The following RLIM variants were observed in gnomAD, a reference collection of about 807,000 sequenced individuals.
RLIM encodes E3 ubiquitin-protein ligase RLIM.
In RLIM, 2 loss-of-function variants were observed where a neutral mutation model predicts 34.0. The ratio of observed to expected loss-of-function variants is 0.06; its 90% CI spans 0.02 to 0.19. The LOEUF (loss-of-function observed/expected upper bound fraction) is 0.19, where lower values mean the gene tolerates loss of function less well. Among genes scored for constraint, RLIM ranks in the 10% least tolerant of loss-of-function variants. The pLI is 1.00. For missense variants in RLIM, 286 were observed against 479.7 expected, an observed-to-expected ratio of 0.60 and a Z score of 3.77; for synonymous variants, 169 against 164.0, an observed-to-expected ratio of 1.03 and a Z score of -0.23.
chrX:74,591,284 A>C lies in RLIM; in HGVS notation c.*156T>G. ...AATATTTCCTTTTATTCTGGAACAA[A>C]AACTGGAGAAAGGACAATGATTCCT... On this transcript the variant is annotated 3_prime_UTR_variant, in exon 4 of 4. Transcript: ENST00000332687. 2.1e-6 allele frequency: 1 copy of C among 474,426 alleles called. No individual in the cohort carries two copies. Among genetic ancestry groups the C allele is most frequent in the Non-Finnish European group, 3.5e-6 (1 of 284,934 alleles). The allele number at this position is 474,426 out of a possible 1,213,427, so 39.1% of individuals were successfully genotyped here. A position where few individuals can be genotyped will look rare whatever the true frequency, so the allele number is the denominator to read the frequency against.
At chrX:74,594,229 CT>C (rs1475532774) in intron 3 of RLIM, 76 bp downstream of exon 3, 10 of 707,688 alleles carry the variant, frequency 1.4e-5, no homozygotes, top group Non-Finnish European at 2.0e-5. Flanking sequence ...TCTGGATAAT[CT>C]TTGGCTGACA....
intron 2 of RLIM, 103 bp downstream of exon 2, chrX:74,595,706 T>C: frequency 3.6e-6 from 2 of 552,850 alleles, no homozygotes. Context: ...TGTTAAATAA[T>C]ATTTCATAAG....
At chrX:74,605,382 A>G (rs2079678285) in intron 1 of RLIM, among the ~76,000 whole-genome samples, 1 of 112,414 alleles carries the variant, frequency 8.9e-6, no homozygotes, top group Admixed American at 9.5e-5. Flanking sequence ...CAAAAATACC[A>G]GAAAACCATA....
Position 74,585,453 on chromosome X carries a change from T to G in RLIM, c.*5987A>C, listed in dbSNP as rs1254811734. On this transcript the variant is annotated 3_prime_UTR_variant, in exon 4 of 4. Coordinates refer to ENST00000332687, the MANE Select transcript of RLIM (RefSeq NM_016120.4). ...AACCTTTATAGCAGATTCCCCTTTT[T>G]AAAGAAAAACCCAAGGAGAGATGAT... is the stretch of plus-strand genomic sequence containing the variant. 1.8e-5 allele frequency: 2 copies of G among 111,768 alleles called. No homozygotes were observed. The highest frequency in any genetic ancestry group is 3.8e-5 in the Non-Finnish European group (2 of 53,175). The allele number at this position is 111,768 out of a possible 1,213,427, so 9.2% of individuals were successfully genotyped here. A position where few individuals can be genotyped will look rare whatever the true frequency, so the allele number is the denominator to read the frequency against.
intron 1 of RLIM, among the ~76,000 whole-genome samples, chrX:74,607,979 T>C (rs1171318793): frequency 1.8e-5 from 2 of 112,628 alleles, no homozygotes; most frequent in African/African-American, 6.5e-5. Context: ...TCTTCATATA[T>C]AGAATGTTTA....
chrX:74,605,757 G>C (rs1457585227), intron 1 of RLIM, among the ~76,000 whole-genome samples: 2 of 111,683 alleles, frequency 1.8e-5, no homozygotes, highest in Non-Finnish European at 3.8e-5. Flanking sequence ...CTGGCTATAA[G>C]CAATACTCAT....
chrX:74,606,972 A>G (rs978940307), intron 1 of RLIM, among the ~76,000 whole-genome samples: 1 of 109,962 alleles, frequency 9.1e-6, no homozygotes, highest in African/African-American at 3.3e-5. Context: ...CGTTTCTACC[A>G]AAGACACAAA....
At chrX:74,600,127 T>C (rs1320190782) in intron 1 of RLIM, among the ~76,000 whole-genome samples, 1 of 110,731 alleles carries the variant, frequency 9.0e-6, no homozygotes, top group Non-Finnish European at 1.9e-5. Context: ...GGGGAGATCA[T>C]AATATTTTTG....
At position 74,587,377 on chromosome X, in the gene RLIM, TAGG is replaced by T. The variant is rs2079592357; in HGVS notation, c.*4060_*4062del. 2 of 111,216 alleles carry T rather than the reference TAGG, an allele frequency of 1.8e-5. No individual in the cohort carries two copies. The highest frequency in any genetic ancestry group is 3.3e-5 in the African/African-American group (1 of 30,580). The allele number at this position is 111,216 out of a possible 1,213,427, so 9.2% of individuals were successfully genotyped here. A position where few individuals can be genotyped will look rare whatever the true frequency, so the allele number is the denominator to read the frequency against. ...AACAATTAGCATAGTCTTATAAGAC[TAGG>T]AGAATAAAAGTGCCCTGCAAACATG... On this transcript the variant is annotated 3_prime_UTR_variant, in exon 4 of 4. Transcript: ENST00000332687.
intron 1 of RLIM, among the ~76,000 whole-genome samples, chrX:74,605,099 G>A (rs1011928298): frequency 1.8e-5 from 2 of 111,275 alleles, no homozygotes; most frequent in African/African-American, 6.5e-5. Context: ...AGTAAGCTAT[G>A]GCTACAATAC....
chrX:74,588,413 G>C lies in RLIM; in HGVS notation c.*3027C>G, dbSNP rs1285864496. 1 of 111,641 alleles carries C rather than the reference G, an allele frequency of 9.0e-6. No homozygotes were observed. The highest frequency in any genetic ancestry group is 2.8e-4 in the East Asian group (1 of 3,546). The allele number at this position is 111,641 out of a possible 1,213,427, so 9.2% of individuals were successfully genotyped here. A position where few individuals can be genotyped will look rare whatever the true frequency, so the allele number is the denominator to read the frequency against. On this transcript the variant is annotated 3_prime_UTR_variant, in exon 4 of 4. Transcript: ENST00000332687. ...TTGAACCCAGGAGGCAGAGGTTGCA[G>C]TGAGCCGAGATCGCTCCATTGCACT...
rs142082056 is a variant in RLIM at position 74,592,121 on chromosome X, T to C, written c.1194A>G (p.Thr398=). 2.2e-4 allele frequency: 266 copies of C among 1,210,387 alleles called. No homozygotes were observed. The highest frequency in any genetic ancestry group is 2.6e-4 in the Non-Finnish European group (234 of 895,338). The part of the protein sequence containing the change: ...RILNTGLSET[T]SVAIQTMLRQ... ...TTAACATGGTCTGAATTGCAACAGA[T>C]GTAGTCTCACTTAAACCAGTATTTA... The change falls in exon 4 of 4, where the codon ACA becomes ACG. Residue 398 remains threonine (T), a synonymous_variant. Transcript: ENST00000332687.
At chrX:74,601,159 A>G (rs2079659655) in intron 1 of RLIM, among the ~76,000 whole-genome samples, 1 of 112,213 alleles carries the variant, frequency 8.9e-6, no homozygotes, top group Admixed American at 9.5e-5. Context: ...GGGGTGTATC[A>G]GGTATATTAA....
chrX:74,607,703 C>T (rs1218024386), intron 1 of RLIM, among the ~76,000 whole-genome samples: 2 of 111,813 alleles, frequency 1.8e-5, no homozygotes, highest in East Asian at 2.8e-4. Flanking sequence ...AGCGAGACTC[C>T]GTCTCAAAAC....
intron 1 of RLIM, among the ~76,000 whole-genome samples, chrX:74,599,585 AAT>A (rs755663414): frequency 3.9e-4 from 43 of 111,195 alleles, no homozygotes; most frequent in Middle Eastern, 4.2e-3. Flanking sequence ...GCTTTTATAA[AAT>A]AGTCCCCAGA....
chrX:74,609,001 C>A (rs573993452), intron 1 of RLIM, among the ~76,000 whole-genome samples: 1 of 111,350 alleles, frequency 9.0e-6, no homozygotes, highest in Admixed American at 9.6e-5. Flanking sequence ...TGACTTGCTT[C>A]TCTCATTATT....
intron 1 of RLIM, among the ~76,000 whole-genome samples, chrX:74,610,149 G>A (rs1262013948): frequency 8.9e-6 from 1 of 112,526 alleles, no homozygotes; most frequent in Non-Finnish European, 1.9e-5. Flanking sequence ...AGGCGCGGTG[G>A]CTCAGGCCTG....
intron 1 of RLIM, among the ~76,000 whole-genome samples, chrX:74,604,190 G>A (rs1454113657): frequency 9.0e-6 from 1 of 110,975 alleles, no homozygotes. Flanking sequence ...TTGAAACCTG[G>A]TGTGTGTTTT....
chrX:74,590,384 C>T lies in RLIM; in HGVS notation c.*1056G>A, dbSNP rs1374667450. Reference sequence around the variant, plus strand: ...ACCATATGAAACCAGTTTGTGTCTGCATTATTACTGTCTTCAGGAAAACTT... The same window carrying T: ...ACCATATGAAACCAGTTTGTGTCTGTATTATTACTGTCTTCAGGAAAACTT... On this transcript the variant is annotated 3_prime_UTR_variant, in exon 4 of 4. Coordinates refer to ENST00000332687, the MANE Select transcript of RLIM (RefSeq NM_016120.4). 2 of 112,293 alleles carry T rather than the reference C, an allele frequency of 1.8e-5. No homozygotes were observed. The highest frequency in any genetic ancestry group is 6.5e-5 in the African/African-American group (2 of 30,909). The allele number at this position is 112,293 out of a possible 1,213,427, so 9.3% of individuals were successfully genotyped here.
Sources: gnomAD v4.1 joint callset for allele counts (sites outside exome capture counted in the v4.1 genomes callset) on GRCh38, gnomAD v4.1.1 for gene constraint, MANE v1.5 for transcripts, NCBI Gene and HGNC (gene_info 2026-07-23, HGNC 2026-07-21) for gene names.